Variants in DCC observed in about 807,000 individuals in gnomAD.
DCC encodes the protein DCC netrin 1 receptor, also known as netrin receptor DCC.
Under a neutral mutation model 172.5 loss-of-function variants are expected in DCC, and 58 were observed. The observed-to-expected ratio is 0.34, with a 90% CI of 0.27 to 0.42. The LOEUF (loss-of-function observed/expected upper bound fraction) is 0.42, where lower values mean the gene tolerates loss of function less well. Among genes scored for constraint, DCC ranks in the 10% least tolerant of loss-of-function variants. DCC has a pLI of 1.00. For missense variants in DCC, 1,740 were observed against 1,791.0 expected, an observed-to-expected ratio of 0.97 and a Z score of 0.51; for synonymous variants, 709 against 644.5, an observed-to-expected ratio of 1.10 and a Z score of -1.52.
At position 52,610,171 on chromosome 18, in the gene DCC, AAAAAAAAATATATATATATATAT is replaced by A. The variant is rs1296833246; in HGVS notation, c.92-141881_92-141859del. Among the ~76,000 whole-genome samples, 186 of 24,868 alleles carry A rather than the reference AAAAAAAAATATATATATATATAT, an allele frequency of 7.5e-3. 7 individuals are homozygous for A. The highest frequency in any genetic ancestry group is 0.011 in the Non-Finnish European group (151 of 14,068). The allele number at this position is 24,868 out of a possible 152,430, so 16.3% of individuals were successfully genotyped here. ...TCTCATAAAAAAAAAAAAAAAAAAA[AAAAAAAAATATATATATATATAT>A]ATATATATATATATATATATATATA... On this transcript the variant is annotated intron_variant, in intron 1 of 28. Coordinates refer to ENST00000442544, the MANE Select transcript of DCC (RefSeq NM_005215.4).
chr18:52,440,370 A>G (rs1024218153), intron 1 of DCC, among the ~76,000 whole-genome samples: 3 of 151,902 alleles, frequency 2.0e-5, no homozygotes, highest in Admixed American at 6.6e-5. Context: ...TCTTTTTATC[A>G]TTTTTTCTTT....
At chr18:52,612,434 G>C (rs909153096) in intron 1 of DCC, among the ~76,000 whole-genome samples, 1 of 151,164 alleles carries the variant, frequency 6.6e-6, no homozygotes, top group Non-Finnish European at 1.5e-5. Context: ...TCCCACTATA[G>C]TCAGAGTGGC....
At chr18:53,013,698 T>TA (rs772056355) in intron 5 of DCC, among the ~76,000 whole-genome samples, 281 of 135,952 alleles carry the variant, frequency 2.1e-3, no homozygotes, top group Middle Eastern at 7.5e-3. Flanking sequence ...TCCCAGAACT[T>TA]AAAAAAAAAA....
intron 1 of DCC, among the ~76,000 whole-genome samples, chr18:52,641,088 C>G (rs533064037): frequency 1.3e-5 from 2 of 152,250 alleles, no homozygotes; most frequent in African/African-American, 4.8e-5. Context: ...TGATCTTTGA[C>G]AAAGCAAACA....
intron 1 of DCC, among the ~76,000 whole-genome samples, chr18:52,387,005 A>G (rs1985825813): frequency 6.6e-6 from 1 of 152,096 alleles, no homozygotes. Flanking sequence ...AATGAAGCAG[A>G]AAGGGCAGAG....
intron 1 of DCC, among the ~76,000 whole-genome samples, chr18:52,624,706 A>G (rs565253026): frequency 5.9e-5 from 9 of 152,322 alleles, no homozygotes; most frequent in Middle Eastern, 3.4e-3. Flanking sequence ...AAACTGACTC[A>G]ATTAATCAAA....
intron 1 of DCC, among the ~76,000 whole-genome samples, chr18:52,686,047 C>A (rs544799047): frequency 6.6e-6 from 1 of 152,134 alleles, no homozygotes; most frequent in Non-Finnish European, 1.5e-5. Context: ...GTGACCTACA[C>A]TCAGAGGGTC....
Position 52,780,780 on chromosome 18 carries a change from G to A in DCC, c.412+28406G>A, listed in dbSNP as rs117473697. 9.6e-4 allele frequency among the ~76,000 whole-genome samples: 146 copies of A among 152,208 alleles called. 2 individuals are homozygous for A. In the East Asian group the frequency reaches 0.028, roughly 29 times the overall value. ...AAGGTCTTCAGGGGAGAAGGGAGGA[G>A]GAAGGTCAGAGACCTTTCTGCTTTT... On this transcript the variant is annotated intron_variant, in intron 2 of 28. Coordinates refer to ENST00000442544, the MANE Select transcript of DCC (RefSeq NM_005215.4).
chr18:52,983,830 C>T (rs945612664), intron 5 of DCC, among the ~76,000 whole-genome samples: 9 of 152,220 alleles, frequency 5.9e-5, no homozygotes, highest in African/African-American at 2.2e-4. Context: ...GTGCAGCATT[C>T]ACACATTACA....
At chr18:53,125,027 A>G (rs527264610) in intron 7 of DCC, among the ~76,000 whole-genome samples, 1 of 152,120 alleles carries the variant, frequency 6.6e-6, no homozygotes, top group South Asian at 2.1e-4. Flanking sequence ...ATTTCCCCAA[A>G]CATAAAATAT....
At chr18:52,785,591 G>A (rs987360727) in intron 2 of DCC, among the ~76,000 whole-genome samples, 16 of 151,956 alleles carry the variant, frequency 1.1e-4, no homozygotes, top group African/African-American at 3.4e-4. Context: ...TCAGAAGAAA[G>A]GTGTGTCCAT....
At chr18:52,840,288 C>T (rs1257440381) in intron 2 of DCC, among the ~76,000 whole-genome samples, 1 of 152,162 alleles carries the variant, frequency 6.6e-6, no homozygotes, top group Non-Finnish European at 1.5e-5. Flanking sequence ...TCTGAACAAA[C>T]ATTTTATCTG....
intron 7 of DCC, among the ~76,000 whole-genome samples, chr18:53,104,111 G>A (rs968869100): frequency 6.6e-6 from 1 of 152,032 alleles, no homozygotes; most frequent in Admixed American, 6.6e-5. Flanking sequence ...TCCTCTTGCT[G>A]CAGGCTTCAG....
intron 15 of DCC, among the ~76,000 whole-genome samples, chr18:53,362,344 T>C (rs2057957043): frequency 6.6e-6 from 1 of 152,204 alleles, no homozygotes; most frequent in African/African-American, 2.4e-5. Flanking sequence ...ATAATAGAGT[T>C]ATGTGTCCAT....
chr18:53,423,925 GA>G (rs1332621526), intron 21 of DCC, among the ~76,000 whole-genome samples: 2 of 152,190 alleles, frequency 1.3e-5, no homozygotes, highest in African/African-American at 2.4e-5. Flanking sequence ...ACCATTGAAT[GA>G]AAAGTGTAGA....
At chr18:52,807,843 T>G (rs1291894758) in intron 2 of DCC, among the ~76,000 whole-genome samples, 1 of 152,204 alleles carries the variant, frequency 6.6e-6, no homozygotes. Flanking sequence ...TTTCTTATTA[T>G]GAGGGAGGGA....
At chr18:52,865,893 T>C (rs2039220393) in intron 2 of DCC, among the ~76,000 whole-genome samples, 1 of 152,174 alleles carries the variant, frequency 6.6e-6, no homozygotes, top group Admixed American at 6.5e-5. Flanking sequence ...AGAAACTATT[T>C]AGTTTAATTA....
intron 3 of DCC, among the ~76,000 whole-genome samples, chr18:52,921,941 G>C (rs2040133070): frequency 6.6e-6 from 1 of 151,668 alleles, no homozygotes. Flanking sequence ...CAAATGCATA[G>C]GCCTCTAATA....
Position 52,504,136 on chromosome 18 carries a change from C to T in DCC, c.91+163258C>T, listed in dbSNP as rs117438932. 6.2e-4 allele frequency among the ~76,000 whole-genome samples: 94 copies of T among 152,178 alleles called. 2 individuals carry two copies. In the East Asian group the frequency reaches 0.017, roughly 27 times the overall value. On this transcript the variant is annotated intron_variant, in intron 1 of 28. Transcript: ENST00000442544. ...TCCAGCTTCCCGTTCAAAGAGGATG[C>T]GTTGGGGAGGGGGGCTGGTACGGGT...
Sources: allele counts gnomAD v4.1 joint callset (sites outside exome capture counted in the v4.1 genomes callset), GRCh38; gene constraint gnomAD v4.1.1; transcripts MANE v1.5; gene names NCBI Gene and HGNC (gene_info 2026-07-23, HGNC 2026-07-21).